NSD3: variants seen among roughly 807,000 people sequenced by gnomAD.
NSD3 encodes nuclear receptor binding SET domain protein 3.
A neutral mutation model predicts 160.8 loss-of-function variants in NSD3; 24 were observed. The observed-to-expected ratio is 0.15, with a 90% CI of 0.11 to 0.21. NSD3 has a LOEUF of 0.21. Among genes scored for constraint, NSD3 ranks in the 10% least tolerant of loss-of-function variants. The probability of loss-of-function intolerance (pLI) is 1.00; values close to 1 mark genes in which losing one functional copy is unlikely to be tolerated. For missense variants in NSD3, 1,157 were observed against 1,735.9 expected, an observed-to-expected ratio of 0.67 and a Z score of 5.93; for synonymous variants, 520 against 600.0, an observed-to-expected ratio of 0.87 and a Z score of 1.95.
chr8:38,332,347 G>A (rs1180532523), intron 4 of NSD3, among the ~76,000 whole-genome samples: 1 of 151,698 alleles, frequency 6.6e-6, no homozygotes, highest in African/African-American at 2.4e-5. Flanking sequence ...ATGTTGCCCA[G>A]GCTGGTCTTG....
chr8:38,275,693 T>G lies in NSD3; in HGVS notation c.4262A>C (p.Lys1421Thr). ...MAPVSPEYWS[K>T]IKCKWESQDH... ...TTGTGATTCCCATTTACATTTTATCTTGCTCCAGTATTCTGGTGACACAGG... is the reference window on the plus strand; with the variant it reads ...TTGTGATTCCCATTTACATTTTATCGTGCTCCAGTATTCTGGTGACACAGG... The change falls in exon 24 of 24, where the codon AAG becomes ACG. Residue 1421 changes from lysine to threonine, a missense_variant. Lys to Thr is a moderately conservative substitution (Grantham distance 78). This residue lies in a region of NSD3 where 222 missense variants were observed against 409.9 expected (regional missense o/e 0.54). Transcript: ENST00000317025. 4 of 1,614,254 alleles carry G rather than the reference T, an allele frequency of 2.5e-6. No individual in the cohort carries two copies. The highest frequency in any genetic ancestry group is 3.4e-6 in the Non-Finnish European group (4 of 1,180,052).
chr8:38,367,112 T>G (rs1016579560), intron 1 of NSD3, among the ~76,000 whole-genome samples: 1 of 152,078 alleles, frequency 6.6e-6, no homozygotes, highest in African/African-American at 2.4e-5. Context: ...TAAGACAAAC[T>G]CATATACCTA....
Position 38,288,349 on chromosome 8 carries a change from C to T in NSD3, c.3501+138G>A. 1.6e-6 allele frequency: 2 copies of T among 1,265,284 alleles called. No homozygotes were observed. The highest frequency in any genetic ancestry group is 2.5e-5 in the Admixed American group (1 of 40,342). 78.4% of individuals were successfully genotyped at this position (1,265,284 alleles called of 1,614,324 possible). On this transcript the variant is annotated intron_variant, in intron 19 of 23. Coordinates refer to ENST00000317025, the MANE Select transcript of NSD3 (RefSeq NM_023034.2). This position sits in a 1 kb window ranked among gnomAD's most constrained non-coding sequence, Gnocchi z 4.5. ...ACTACTCTTCTTTGCTCAAGAAGTA[C>T]CAAACTCTCAACATGGAAAGTTTTA...
At chr8:38,350,870 T>G (rs554927384) in intron 1 of NSD3, among the ~76,000 whole-genome samples, 3 of 152,278 alleles carry the variant, frequency 2.0e-5, no homozygotes, top group South Asian at 4.1e-4. Flanking sequence ...AAGACCACCC[T>G]GCCTTGTCAT....
intron 2 of NSD3, among the ~76,000 whole-genome samples, chr8:38,342,235 C>T (rs776178653): frequency 6.6e-6 from 1 of 152,080 alleles, no homozygotes; most frequent in African/African-American, 2.4e-5. Flanking sequence ...GAGGGAGTAT[C>T]TATTATAAAA....
At chr8:38,292,812 A>C (rs571849689) in intron 16 of NSD3, among the ~76,000 whole-genome samples, 10 of 151,664 alleles carry the variant, frequency 6.6e-5, no homozygotes, top group East Asian at 3.9e-4. Context: ...AACAAACAAA[A>C]AAAACAAAGA....
At chr8:38,369,528 A>T (rs990448374) in intron 1 of NSD3, among the ~76,000 whole-genome samples, 1 of 152,242 alleles carries the variant, frequency 6.6e-6, no homozygotes, top group Non-Finnish European at 1.5e-5. Context: ...TCCATTAAAC[A>T]TGTGACTAAA....
In NSD3 at chr8:38,347,994, G is replaced by A. The variant is rs1400817478; in HGVS notation, c.178C>T (p.Pro60Ser). ...EATLQQGFQY[P>S]ATTEDLPPLT... ...GGAGGAAGATCTTCTGTTGTAGCTG[G>A]GTACTGAAAGCCTTGCTGCAAAGTA... The change falls in exon 2 of 24, where the codon CCA becomes TCA. Residue 60 changes from proline (P) to serine (S), a missense_variant. Pro to Ser is a moderately conservative substitution (Grantham distance 74). This residue lies in a region of NSD3 where 121 missense variants were observed against 177.2 expected (regional missense o/e 0.68). Coordinates refer to ENST00000317025, the MANE Select transcript of NSD3 (RefSeq NM_023034.2). 1.2e-6 allele frequency: 2 copies of A among 1,614,112 alleles called. No individual in the cohort carries two copies. The highest frequency in any genetic ancestry group is 2.7e-5 in the African/African-American group (2 of 75,038).
intron 6 of NSD3, among the ~76,000 whole-genome samples, 195 bp from the exon 7 acceptor site, chr8:38,327,051 C>G (rs888908769): frequency 1.3e-5 from 2 of 151,108 alleles, no homozygotes; most frequent in Non-Finnish European, 3.0e-5. Flanking sequence ...AAATTAAAAA[C>G]AATTTTTTTT....
chr8:38,345,734 T>C (rs1208538984), intron 2 of NSD3, among the ~76,000 whole-genome samples: 3 of 150,440 alleles, frequency 2.0e-5, no homozygotes, highest in Admixed American at 6.6e-5. Flanking sequence ...AACATGACCC[T>C]GTCTCTACTT....
At chr8:38,314,283 T>C (rs1045644794) in intron 12 of NSD3, among the ~76,000 whole-genome samples, 3 of 152,362 alleles carry the variant, frequency 2.0e-5, no homozygotes, top group Non-Finnish European at 4.4e-5. Flanking sequence ...ATATAATCAC[T>C]GTAGTTATGC....
chr8:38,293,838 G>A (rs1225348791), intron 16 of NSD3, among the ~76,000 whole-genome samples: 4 of 139,204 alleles, frequency 2.9e-5, no homozygotes, highest in Non-Finnish European at 4.5e-5. Context: ...CAGGAGAATC[G>A]CTTGAACCTG....
At chr8:38,357,118 C>CAAAAAAA (rs966483645) in intron 1 of NSD3, among the ~76,000 whole-genome samples, 230 of 21,300 alleles carry the variant, frequency 0.011, 22 homozygotes, top group Non-Finnish European at 0.016. Context: ...GACACCATCT[C>CAAAAAAA]AAAAAAAAAA....
chr8:38,279,449 G>T, intron 21 of NSD3, 91 bp downstream of exon 21: 1 of 1,391,178 alleles, frequency 7.2e-7, no homozygotes, highest in Non-Finnish European at 9.8e-7. Flanking sequence ...ATAAGTTCTT[G>T]GGCATCAAGC....
intron 23 of NSD3, among the ~76,000 whole-genome samples, chr8:38,276,095 G>A (rs879625336): frequency 1.3e-5 from 2 of 152,160 alleles, no homozygotes; most frequent in African/African-American, 4.8e-5. Context: ...ACCCACCTAC[G>A]GGAACAGTAT....
Position 38,299,528 on chromosome 8 carries a change from G to T in NSD3, c.2674C>A (p.Leu892Ile). 6.2e-7 allele frequency: 1 copy of T among 1,613,886 alleles called. No individual in the cohort carries two copies. Among genetic ancestry groups the T allele is most frequent in the Non-Finnish European group, 8.5e-7 (1 of 1,179,870 alleles). The change falls in exon 15 of 24, where the codon CTA (leucine) becomes ATA (isoleucine). Residue 892 changes from leucine to isoleucine, a missense_variant. Transcript: ENST00000317025. ...TCAGCACGATTTGATTCATTCAGTA[G>T]GTAGTGGGACTTATAGGCATATGAA... is the stretch of plus-strand genomic sequence containing the variant. ...FSSYAYKSHY[L>I]LNESNRAELM...
chr8:38,362,405 C>G (rs1303677988), intron 1 of NSD3, among the ~76,000 whole-genome samples: 1 of 151,742 alleles, frequency 6.6e-6, no homozygotes, highest in African/African-American at 2.4e-5. Context: ...TTCTTCCTTC[C>G]TAAGAAAGAC....
At chr8:38,320,471 C>A (rs1398076527) in intron 8 of NSD3, 1 of 152,008 alleles carries the variant, frequency 6.6e-6, no homozygotes, top group Non-Finnish European at 1.5e-5. Flanking sequence ...ACATTGATTA[C>A]ACTGGTTTAA....
intron 3 of NSD3, chr8:38,337,693 A>G (rs1020487012): frequency 3.3e-5 from 11 of 333,766 alleles, no homozygotes; most frequent in African/African-American, 6.4e-5. Flanking sequence ...GAAAGGGTCA[A>G]AAAACATCAG....
Sources: allele counts gnomAD v4.1 joint callset (sites outside exome capture counted in the v4.1 genomes callset), GRCh38; gene constraint gnomAD v4.1.1; regional missense constraint gnomAD v4.1.1; non-coding constraint Gnocchi (gnomAD v3.1); transcripts MANE v1.5; gene names NCBI Gene and HGNC (gene_info 2026-07-23, HGNC 2026-07-21).